Variants in SPAG4 observed in about 807,000 individuals in gnomAD.
The protein encoded by SPAG4 is sperm-associated antigen 4 protein.
In SPAG4, 54 loss-of-function variants were observed where a neutral mutation model predicts 53.9. The ratio of observed to expected loss-of-function variants is 1.00; its 90% CI spans 0.80 to 1.26. The LOEUF (loss-of-function observed/expected upper bound fraction) is 1.26, where lower values mean the gene tolerates loss of function less well. Ranked by LOEUF, SPAG4 falls within the 50% of genes most tolerant of loss-of-function variation. The pLI is 0.00. For synonymous variants in SPAG4, 246 were observed against 237.4 expected, an observed-to-expected ratio of 1.04 and a Z score of -0.33; for missense variants, 548 against 568.6, an observed-to-expected ratio of 0.96 and a Z score of 0.37.
In SPAG4 at chr20:35,616,102, C is replaced by T. The variant is rs907210027; in HGVS notation, c.99C>T (p.Asp33=). The T allele has an allele frequency of 8.1e-6, 13 of 1,610,768 alleles. No individual in the cohort carries two copies. The highest frequency in any genetic ancestry group is 9.3e-6 in the Non-Finnish European group (11 of 1,179,066). ...GCTCAATGAGCATCACCTCGGAGGA[C>T]AGCAAAGGGCTCCGGTCAGCGGAGC... is the stretch of plus-strand genomic sequence containing the variant. ...ENSSMSITSE[D]SKGLRSAEPG... The change falls in exon 1 of 12, where the codon GAC becomes GAT. Residue 33 remains aspartate, a synonymous_variant. Coordinates refer to ENST00000374273, the MANE Select transcript of SPAG4 (RefSeq NM_003116.3).
rs1160794872 is a variant in SPAG4, at chr20:35,620,710, A to AG, written c.1105dup (p.Val369GlyfsTer11). The AG allele has an allele frequency of 6.2e-7, 1 of 1,600,984 alleles. No individual in the cohort carries two copies. The highest frequency in any genetic ancestry group is 8.5e-7 in the Non-Finnish European group (1 of 1,173,420). ...GCCTCCAGGTTTATGATGAAACTGA[A>AG]GTTTCCTTGGGGAAATTCACCTTCG... On this transcript the variant is annotated frameshift_variant, in exon 11 of 12. Coordinates refer to ENST00000374273, the MANE Select transcript of SPAG4 (RefSeq NM_003116.3). LOFTEE classifies it high-confidence loss of function.
chr20:35,617,738 G>A, intron 3 of SPAG4, 41 bp from the exon 4 acceptor site: 1 of 1,601,438 alleles, frequency 6.2e-7, no homozygotes, highest in South Asian at 1.1e-5. Flanking sequence ...GGACTGGAGG[G>A]TTGAGCAGGT....
At chr20:35,616,371 G>T in intron 1 of SPAG4, 64 bp downstream of exon 1, 1 of 1,429,830 alleles carries the variant, frequency 7.0e-7, no homozygotes, top group Non-Finnish European at 9.1e-7. Context: ...GCGGTGCTGG[G>T]CGGGGACGGG....
chr20:35,618,209 G>T (rs1279369344), intron 5 of SPAG4, 79 bp downstream of exon 5: 8 of 1,383,680 alleles, frequency 5.8e-6, no homozygotes, highest in African/African-American at 2.9e-5. Flanking sequence ...CTGGACTGTC[G>T]GTCTGCTGGG....
rs1391305281 is a variant in SPAG4, at chr20:35,617,135, G to A, written c.305-1G>A. 1.3e-6 allele frequency: 2 copies of A among 1,578,716 alleles called. No individual in the cohort carries two copies. Among genetic ancestry groups the A allele is most frequent in the Non-Finnish European group, 1.7e-6 (2 of 1,161,564 alleles). On this transcript the variant is annotated splice_acceptor_variant, in intron 1 of 11. Coordinates refer to ENST00000374273, the MANE Select transcript of SPAG4 (RefSeq NM_003116.3). LOFTEE classifies it high-confidence loss of function. ...CCAGTGGAGCCCTTGGGTTCCCGCA[G>A]AACCGACTGGGTCTCCAGTAGTCTC...
chr20:35,616,956 C>T (rs2031406544), intron 1 of SPAG4, 180 bp from the exon 2 acceptor site: 2 of 597,388 alleles, frequency 3.3e-6, no homozygotes, highest in South Asian at 2.0e-5. Context: ...ACGGAGCCTC[C>T]CTGAGGGGCG....
intron 10 of SPAG4, 58 bp from the exon 11 acceptor site, chr20:35,620,626 G>GCC (rs10668654): frequency 0.053 from 15,143 of 286,250 alleles, 693 homozygotes; most frequent in African/African-American, 0.096. Flanking sequence ...TCTTCTCCCC[G>GCC]CCCCCCCCGC....
Position 35,615,974 on chromosome 20 carries a change from G to A in SPAG4, c.-30G>A, listed in dbSNP as rs901790199. The stretch of plus-strand genomic sequence containing the variant: ...CTTGGCGACCGCAGCGGCGGCTTTA[G>A]CGTCAGTGACTAGGCAGCAGGGGGT... On this transcript the variant is annotated 5_prime_UTR_variant, in exon 1 of 12. Coordinates refer to ENST00000374273, the MANE Select transcript of SPAG4 (RefSeq NM_003116.3). The A allele has an allele frequency of 6.2e-7, 1 of 1,605,828 alleles. No homozygotes were observed. Among genetic ancestry groups the A allele is most frequent in the African/African-American group, 1.3e-5 (1 of 74,594 alleles).
intron 1 of SPAG4, chr20:35,616,819 G>T: frequency 6.2e-6 from 2 of 323,556 alleles, no homozygotes; most frequent in South Asian, 9.1e-5. Flanking sequence ...TAGTAGAGAC[G>T]GGGTTTCTCC....
At chr20:35,619,443 C>A in intron 9 of SPAG4, 133 bp downstream of exon 9, 2 of 1,372,362 alleles carry the variant, frequency 1.5e-6, no homozygotes, top group Non-Finnish European at 2.1e-6. Context: ...AGAGACCTGG[C>A]ATTGCTGGGG....
intron 11 of SPAG4, 44 bp downstream of exon 11, chr20:35,620,817 T>A (rs1271910966): frequency 1.2e-6 from 2 of 1,612,988 alleles, no homozygotes; most frequent in Non-Finnish European, 1.7e-6. Flanking sequence ...AGTGGGGCAG[T>A]GAGGGATGAA....
At position 35,617,777 on chromosome 20, in the gene SPAG4, A is replaced by G. The variant is rs905650166; in HGVS notation, c.477-2A>G. The G allele has an allele frequency of 3.1e-6, 5 of 1,613,880 alleles. No individual in the cohort carries two copies. The highest frequency in any genetic ancestry group is 4.2e-6 in the Non-Finnish European group (5 of 1,179,926). Reference sequence around the variant, plus strand: ...GGCCTCAGCCTCCCTCCGGTTCCCCAGGGAGGTCTGTTCCATCCGCTTCCT... The same window carrying G: ...GGCCTCAGCCTCCCTCCGGTTCCCCGGGGAGGTCTGTTCCATCCGCTTCCT... On this transcript the variant is annotated splice_acceptor_variant, in intron 3 of 11. Transcript: ENST00000374273. LOFTEE classifies it high-confidence loss of function.
chr20:35,617,705 C>T, intron 3 of SPAG4, 74 bp from the exon 4 acceptor site: 2 of 1,568,344 alleles, frequency 1.3e-6, no homozygotes, highest in Non-Finnish European at 1.8e-6. Context: ...TTGGCAAGAG[C>T]TGGGTCTAGG....
chr20:35,617,212 T>A lies in SPAG4; in HGVS notation c.381T>A (p.Pro127=). 11 of 1,600,682 alleles carry A rather than the reference T, an allele frequency of 6.9e-6. No individual in the cohort carries two copies. Among genetic ancestry groups the A allele is most frequent in the Non-Finnish European group, 9.4e-6 (11 of 1,173,984 alleles). The change falls in exon 2 of 12, where the codon CCT becomes CCA. Residue 127 remains proline, a synonymous_variant. Coordinates refer to ENST00000374273, the MANE Select transcript of SPAG4 (RefSeq NM_003116.3). The part of the protein sequence containing the change: ...LPTLDLRQEM[P]PPRVFKSFLS... ...CCCTGGATCTGAGGCAGGAGATGCC[T>A]CCCCCGCGGGTGTTCAAGAGCTTTC...
chr20:35,620,642 C>CCCCCCCCCCCCCCCCAATT, intron 10 of SPAG4, 42 bp from the exon 11 acceptor site: 1 of 712,974 alleles, frequency 1.4e-6, no homozygotes, highest in Non-Finnish European at 2.3e-6. Context: ...CCCGCCCCAC[C>CCCCCCCCCCCCCCCCAATT]TGTCCCCCTC....
intron 11 of SPAG4, 37 bp from the exon 12 acceptor site, chr20:35,620,839 G>A: frequency 6.2e-7 from 1 of 1,613,032 alleles, no homozygotes; most frequent in Admixed American, 1.7e-5. Context: ...GATCCAGGAG[G>A]AGGGCAGCCC....
intron 1 of SPAG4, among the ~76,000 whole-genome samples, chr20:35,616,627 C>T (rs1264854310): frequency 6.8e-6 from 1 of 146,836 alleles, no homozygotes; most frequent in African/African-American, 2.6e-5. Flanking sequence ...GGGGGAGGGA[C>T]CAACTCTTTT....
At chr20:35,618,011 T>C in intron 4 of SPAG4, 76 bp from the exon 5 acceptor site, 1 of 1,520,766 alleles carries the variant, frequency 6.6e-7, no homozygotes, top group Non-Finnish European at 9.1e-7. Context: ...CTCAAGCCTC[T>C]TTCCACTGTC....
intron 4 of SPAG4, 94 bp downstream of exon 4, chr20:35,617,934 T>G: frequency 7.0e-7 from 1 of 1,421,616 alleles, no homozygotes. Flanking sequence ...CTGCAGCTCC[T>G]GGCATTCCCC....
Sources: gnomAD v4.1 joint callset for allele counts (sites outside exome capture counted in the v4.1 genomes callset) on GRCh38, gnomAD v4.1.1 for gene constraint, MANE v1.5 for transcripts, NCBI Gene and HGNC (gene_info 2026-07-23, HGNC 2026-07-21) for gene names.